RBFOX1: variants seen among roughly 807,000 people sequenced by gnomAD.
RBFOX1 encodes the protein RNA binding fox-1 homolog 1, also known as RNA binding protein fox-1 homolog 1.
Under a neutral mutation model 57.7 loss-of-function variants are expected in RBFOX1, and 8 were observed. That is an observed-to-expected ratio of 0.14 (90% CI 0.08 to 0.25). RBFOX1 has a LOEUF of 0.25. Ranked by LOEUF, RBFOX1 falls within the 10% of genes least tolerant of loss-of-function variation. The probability of loss-of-function intolerance (pLI) is 1.00; values close to 1 mark genes in which losing one functional copy is unlikely to be tolerated. For synonymous variants in RBFOX1, 326 were observed against 222.4 expected (o/e 1.47, Z -4.15); for missense variants, 611 against 548.5 (o/e 1.11, Z -1.14).
At chr16:5,363,245 A>C (rs995523652) in intron 1 of RBFOX1, among the ~76,000 whole-genome samples, 2 of 144,308 alleles carry the variant, frequency 1.4e-5, no homozygotes, top group African/African-American at 5.2e-5. Context: ...GGATTTCGCC[A>C]TGTTGGCAAG....
chr16:7,236,705 A>C (rs371837653), intron 4 of RBFOX1, among the ~76,000 whole-genome samples: 1 of 151,438 alleles, frequency 6.6e-6, no homozygotes, highest in Non-Finnish European at 1.5e-5. Flanking sequence ...TTTTTTTTTA[A>C]TTTCTAAGCC....
intron 3 of RBFOX1, among the ~76,000 whole-genome samples, chr16:6,935,963 C>T (rs2077297542): frequency 1.3e-5 from 2 of 152,168 alleles, no homozygotes; most frequent in Non-Finnish European, 2.9e-5. Context: ...GTCTGCTTTG[C>T]TTACACTCAG....
chr16:6,207,679 C>G (rs11646763), intron 1 of RBFOX1, among the ~76,000 whole-genome samples: 63,010 of 151,840 alleles, frequency 0.41, 13,326 homozygotes, highest in East Asian at 0.72. Context: ...TGACAGTAGA[C>G]ATTTTATTTT....
At chr16:7,597,314 A>C in intron 8 of RBFOX1, 57 bp from the exon 9 acceptor site, 1 of 1,323,648 alleles carries the variant, frequency 7.6e-7, no homozygotes. Flanking sequence ...CATGCAACTA[A>C]TTGAATTGGG....
intron 4 of RBFOX1, among the ~76,000 whole-genome samples, chr16:6,008,974 G>T (rs149383550): frequency 2.3e-3 from 355 of 152,278 alleles, no homozygotes; most frequent in African/African-American, 8.3e-3. Context: ...TCTCAAGTTG[G>T]CTACCCCTTC....
chr16:6,998,312 C>G (rs1322600154), intron 3 of RBFOX1, among the ~76,000 whole-genome samples: 2 of 152,146 alleles, frequency 1.3e-5, no homozygotes, highest in East Asian at 1.9e-4. Context: ...ATGAACAACA[C>G]TCATTAGTGT....
At chr16:5,585,665 G>A (rs926614969) in intron 2 of RBFOX1, among the ~76,000 whole-genome samples, 2 of 152,170 alleles carry the variant, frequency 1.3e-5, no homozygotes, top group Non-Finnish European at 2.9e-5. Context: ...CACGTTATGG[G>A]GTGACCCTGA....
intron 1 of RBFOX1, among the ~76,000 whole-genome samples, chr16:6,095,385 T>C (rs763805875): frequency 6.6e-6 from 1 of 152,220 alleles, no homozygotes; most frequent in Non-Finnish European, 1.5e-5. Context: ...CACCTCACTC[T>C]TTTTACGGCC....
intron 2 of RBFOX1, among the ~76,000 whole-genome samples, chr16:6,503,112 A>G (rs1356635600): frequency 6.6e-6 from 1 of 152,218 alleles, no homozygotes; most frequent in African/African-American, 2.4e-5. Context: ...AACTATGAAG[A>G]GTGATTATTC....
chr16:6,795,869 C>A (rs1320553999), intron 3 of RBFOX1, among the ~76,000 whole-genome samples: 1 of 151,798 alleles, frequency 6.6e-6, no homozygotes, highest in Admixed American at 6.6e-5. Flanking sequence ...CACAAAATCA[C>A]CCCCTGCCTT....
At chr16:6,605,205 C>G (rs894564269) in intron 2 of RBFOX1, among the ~76,000 whole-genome samples, 1 of 152,026 alleles carries the variant, frequency 6.6e-6, no homozygotes, top group African/African-American at 2.4e-5. Flanking sequence ...AACCACTGTA[C>G]TGGGTGACAG....
rs117791076 is a variant in RBFOX1 at position 5,480,419 on chromosome 16, C to G, written c.258+13165C>G. ...AACAACACAATTTACAGCTTCCTTT[C>G]TCAAAAATACAGACAAGTATTAAGA... On this transcript the variant is annotated intron_variant, in intron 2 of 2. Coordinates refer to the RBFOX1 transcript ENST00000585867. Among the ~76,000 whole-genome samples the G allele has an allele frequency of 4.4e-3, 667 of 152,036 alleles. 7 individuals carry two copies. Among genetic ancestry groups the G allele is most frequent in the Non-Finnish European group, 7.7e-3 (525 of 67,944 alleles).
intron 2 of RBFOX1, among the ~76,000 whole-genome samples, chr16:6,440,123 G>A (rs571570038): frequency 2.2e-4 from 34 of 151,980 alleles, no homozygotes; most frequent in African/African-American, 8.2e-4. Context: ...TTTTAGTAGA[G>A]ACGGGGCTTC....
At chr16:6,603,111 G>A (rs892923477) in intron 2 of RBFOX1, among the ~76,000 whole-genome samples, 8 of 152,304 alleles carry the variant, frequency 5.3e-5, no homozygotes, top group South Asian at 4.1e-4. Flanking sequence ...AATCATCACC[G>A]TTGTGGTCTT....
Position 7,711,057 on chromosome 16 carries a change from T to C in RBFOX1, c.*312T>C. 1 of 226,856 alleles carries C rather than the reference T, an allele frequency of 4.4e-6. No homozygotes were observed. Among genetic ancestry groups the C allele is most frequent in the East Asian group, 9.3e-5 (1 of 10,734 alleles). 14.1% of individuals were successfully genotyped at this position (226,856 alleles called of 1,614,324 possible). On this transcript the variant is annotated 3_prime_UTR_variant, in exon 16 of 16. Coordinates refer to ENST00000550418, the MANE Select transcript of RBFOX1 (RefSeq NM_018723.4). ...TTAGGGCCATATCCAGAGTGCTATATTATGTAAATGAATTATATATGCTGA... is the reference window on the plus strand; with the variant it reads ...TTAGGGCCATATCCAGAGTGCTATACTATGTAAATGAATTATATATGCTGA...
intron 2 of RBFOX1, among the ~76,000 whole-genome samples, chr16:5,494,953 G>T (rs554598403): frequency 1.3e-5 from 2 of 152,174 alleles, no homozygotes; most frequent in African/African-American, 4.8e-5. Flanking sequence ...ATAATACAGC[G>T]TGGTCGCAGG....
chr16:5,658,047 T>G (rs2049511543), intron 3 of RBFOX1, among the ~76,000 whole-genome samples: 1 of 152,174 alleles, frequency 6.6e-6, no homozygotes. Context: ...CTGCAAATTC[T>G]TGATACCATT....
intron 3 of RBFOX1, among the ~76,000 whole-genome samples, chr16:6,995,636 T>G (rs947971227): frequency 3.3e-5 from 5 of 152,114 alleles, no homozygotes; most frequent in Non-Finnish European, 1.5e-5. Context: ...GGTGCACGCT[T>G]GTAATCCCAG....
chr16:6,198,985 T>G (rs1272538872), intron 1 of RBFOX1, among the ~76,000 whole-genome samples: 1 of 152,092 alleles, frequency 6.6e-6, no homozygotes, highest in East Asian at 1.9e-4. Context: ...TGACTGAACA[T>G]TTTTTAAATC....
Sources: gnomAD v4.1 joint callset for allele counts (sites outside exome capture counted in the v4.1 genomes callset) on GRCh38, gnomAD v4.1.1 for gene constraint, MANE v1.5 for transcripts, NCBI Gene and HGNC (gene_info 2026-07-23, HGNC 2026-07-21) for gene names.